The following ATP9B variants were observed in gnomAD, a reference collection of about 807,000 sequenced individuals.
The protein encoded by ATP9B is ATPase phospholipid transporting 9B, also known as probable phospholipid-transporting ATPase IIB.
In ATP9B, 110 loss-of-function variants were observed where a neutral mutation model predicts 146.1. The observed-to-expected ratio is 0.75, with a 90% CI of 0.65 to 0.88. The LOEUF is 0.88. ATP9B is among the 40% of genes least tolerant of loss of function. The pLI is 0.00. For missense variants in ATP9B, 1,499 were observed against 1,496.4 expected (o/e 1.00, Z -0.03); for synonymous variants, 604 against 569.7 (o/e 1.06, Z -0.86).
At chr18:79,312,086 C>T (rs1301882343) in intron 15 of ATP9B, among the ~76,000 whole-genome samples, 3 of 152,158 alleles carry the variant, frequency 2.0e-5, no homozygotes, top group Non-Finnish European at 2.9e-5. Context: ...GCGTTGAGAC[C>T]GGTCTGCTCA....
chr18:79,368,265 C>T (rs1248001101), intron 26 of ATP9B, among the ~76,000 whole-genome samples: 3 of 152,210 alleles, frequency 2.0e-5, no homozygotes, highest in Admixed American at 6.5e-5. Context: ...TTGGGCATGG[C>T]GCCAGGTGCC....
At chr18:79,212,190 A>G (rs1170673891) in intron 10 of ATP9B, among the ~76,000 whole-genome samples, 4 of 152,248 alleles carry the variant, frequency 2.6e-5, no homozygotes, top group African/African-American at 4.8e-5. Context: ...TACGTTAGAT[A>G]TTAAAAAGCA....
At chr18:79,360,219 C>A (rs916733178) in intron 26 of ATP9B, 17 of 152,202 alleles carry the variant, frequency 1.1e-4, no homozygotes, top group African/African-American at 4.1e-4. Context: ...CTGGTATTTT[C>A]CACAAAGCTA....
intron 25 of ATP9B, chr18:79,353,955 GT>G (rs1409105538): frequency 2.6e-5 from 4 of 152,146 alleles, no homozygotes; most frequent in African/African-American, 9.7e-5. Flanking sequence ...TCTGGATAGA[GT>G]TCTCTAAGCA....
intron 11 of ATP9B, among the ~76,000 whole-genome samples, chr18:79,214,767 C>T (rs2095612175): frequency 6.6e-6 from 1 of 152,140 alleles, no homozygotes; most frequent in Non-Finnish European, 1.5e-5. Context: ...GGATTTATGC[C>T]TCACTCTGTG....
intron 11 of ATP9B, among the ~76,000 whole-genome samples, chr18:79,215,365 C>CG (rs2095618273): frequency 6.6e-6 from 1 of 152,080 alleles, no homozygotes; most frequent in Non-Finnish European, 1.5e-5. Context: ...GCTGTGCACA[C>CG]GGAGAATCCA....
At chr18:79,092,668 A>G (rs1385142522) in intron 1 of ATP9B, among the ~76,000 whole-genome samples, 2 of 147,258 alleles carry the variant, frequency 1.4e-5, no homozygotes, top group Non-Finnish European at 3.0e-5. Flanking sequence ...TTGGTTAAAA[A>G]CGGAAACAAA....
chr18:79,253,368 G>A lies in ATP9B; in HGVS notation c.1108-13G>A. The A allele has an allele frequency of 6.2e-7, 1 of 1,604,346 alleles. No individual in the cohort carries two copies. The highest frequency in any genetic ancestry group is 8.5e-7 in the Non-Finnish European group (1 of 1,177,182). On this transcript the variant is annotated splice_polypyrimidine_tract_variant and intron_variant, in intron 11 of 29. Coordinates refer to ENST00000426216, the MANE Select transcript of ATP9B (RefSeq NM_198531.5). ...TGGTTAGCTTGTTCATGTATTATGT[G>A]TTTTTCTTTCAGGTTGGTTTGTTGG... is the stretch of plus-strand genomic sequence containing the variant.
At position 79,224,127 on chromosome 18, in the gene ATP9B, T is replaced by G. The variant is rs1600632476; in HGVS notation, c.1107+10089T>G. Among the ~76,000 whole-genome samples the G allele has an allele frequency of 2.0e-5, 3 of 152,344 alleles. No individual in the cohort carries two copies. The South Asian group carries it at 6.2e-4, about 32-fold the overall frequency. On this transcript the variant is annotated intron_variant, in intron 11 of 29. Transcript: ENST00000426216. ...ATCATTTCTAAGCGGTATAGCTAAA[T>G]TCTCTGTAATCAAAATTCCTAACAG...
rs150670933 is a variant in ATP9B, at chr18:79,104,848, A to G, written c.294-5507A>G. Among the ~76,000 whole-genome samples the G allele has an allele frequency of 5.8e-3, 879 of 152,196 alleles. 4 individuals carry two copies. The highest frequency in any genetic ancestry group is 7.5e-3 in the Non-Finnish European group (512 of 68,012). On this transcript the variant is annotated intron_variant, in intron 2 of 29. Transcript: ENST00000426216. The stretch of plus-strand genomic sequence containing the variant: ...AGCCTTGACCTCCAGGGCTCAAGCA[A>G]TTCTTTCACCACAGCCTCCCAAGTA...
intron 14 of ATP9B, among the ~76,000 whole-genome samples, chr18:79,306,271 A>G (rs2096619988): frequency 6.6e-6 from 1 of 152,150 alleles, no homozygotes; most frequent in African/African-American, 2.4e-5. Flanking sequence ...GTGTCCTCTG[A>G]CACCCTCCGC....
At chr18:79,333,216 G>T (rs2096801205) in intron 17 of ATP9B, among the ~76,000 whole-genome samples, 3 of 152,128 alleles carry the variant, frequency 2.0e-5, no homozygotes, top group Admixed American at 6.5e-5. Context: ...CTTTTCCTGG[G>T]CAGTGCTGAG....
At chr18:79,071,049 C>CTTTTTTTTTTTTTT (rs746689031) in intron 1 of ATP9B, among the ~76,000 whole-genome samples, 8 of 112,358 alleles carry the variant, frequency 7.1e-5, no homozygotes, top group East Asian at 2.7e-4. Flanking sequence ...ATTCCTGTTT[C>CTTTTTTTTTTTTTT]TTTTTTTTTT....
intron 11 of ATP9B, among the ~76,000 whole-genome samples, chr18:79,232,684 G>A (rs2095803393): frequency 6.6e-6 from 1 of 152,206 alleles, no homozygotes; most frequent in Non-Finnish European, 1.5e-5. Context: ...TGACCAGATA[G>A]GGAATCTAAA....
chr18:79,320,653 G>A (rs1219057136), intron 15 of ATP9B, among the ~76,000 whole-genome samples: 1 of 152,196 alleles, frequency 6.6e-6, no homozygotes, highest in African/African-American at 2.4e-5. Flanking sequence ...TGTCTTTACT[G>A]GATCTGCATA....
chr18:79,261,359 C>G (rs2096139489), intron 12 of ATP9B, among the ~76,000 whole-genome samples: 1 of 152,128 alleles, frequency 6.6e-6, no homozygotes, highest in Non-Finnish European at 1.5e-5. Flanking sequence ...ACGAGACCAT[C>G]CTGAATTAGA....
intron 7 of ATP9B, among the ~76,000 whole-genome samples, chr18:79,172,242 T>C (rs1193930216): frequency 8.1e-5 from 10 of 123,600 alleles, no homozygotes; most frequent in Admixed American, 7.0e-4. Context: ...CCCAAGGTGC[T>C]GTGATTACAG....
chr18:79,282,332 C>G (rs2096386534), intron 13 of ATP9B, among the ~76,000 whole-genome samples: 1 of 152,118 alleles, frequency 6.6e-6, no homozygotes, highest in Non-Finnish European at 1.5e-5. Flanking sequence ...AAAATGCTGT[C>G]CAACAACATG....
intron 12 of ATP9B, among the ~76,000 whole-genome samples, chr18:79,276,105 G>T (rs1238100141): frequency 6.6e-6 from 1 of 152,196 alleles, no homozygotes; most frequent in Non-Finnish European, 1.5e-5. Flanking sequence ...TTCTTGACAG[G>T]ATTAAATTAG....
Sources: gnomAD v4.1 joint callset for allele counts (sites outside exome capture counted in the v4.1 genomes callset) on GRCh38, gnomAD v4.1.1 for gene constraint, MANE v1.5 for transcripts, NCBI Gene and HGNC (gene_info 2026-07-23, HGNC 2026-07-21) for gene names.